Variants in RAPGEF4 observed in about 807,000 individuals in gnomAD.
The protein encoded by RAPGEF4 is RAP guanine-nucleotide-exchange factor (GEF) 4.
In RAPGEF4, 66 loss-of-function variants were observed where a neutral mutation model predicts 147.9. The ratio of observed to expected loss-of-function variants is 0.45; its 90% CI spans 0.37 to 0.55. The LOEUF (loss-of-function observed/expected upper bound fraction) is 0.55. RAPGEF4 is among the 20% of genes least tolerant of loss of function. The pLI, the probability that RAPGEF4 is intolerant of heterozygous loss-of-function variation, is 0.00. For missense variants in RAPGEF4, 1,071 were observed against 1,257.3 expected, an observed-to-expected ratio of 0.85 and a Z score of 2.24; for synonymous variants, 419 against 442.7, an observed-to-expected ratio of 0.95 and a Z score of 0.67.
At chr2:173,034,728 G>A (rs1295306839) in intron 27 of RAPGEF4, among the ~76,000 whole-genome samples, 1 of 151,920 alleles carries the variant, frequency 6.6e-6, no homozygotes, top group African/African-American at 2.4e-5. Flanking sequence ...ACAAAAATTA[G>A]CCAGATGTGG....
chr2:172,903,392 G>T (rs1699287310), intron 4 of RAPGEF4, among the ~76,000 whole-genome samples: 1 of 125,524 alleles, frequency 8.0e-6, no homozygotes, highest in South Asian at 2.5e-4. Flanking sequence ...AAAAAAAGAA[G>T]CCGGGCGTGG....
At chr2:172,997,751 T>C (rs1693513287) in intron 16 of RAPGEF4, among the ~76,000 whole-genome samples, 1 of 152,190 alleles carries the variant, frequency 6.6e-6, no homozygotes, top group Admixed American at 6.5e-5. Flanking sequence ...CTAAAAGAAG[T>C]TCAGAGATTT....
chr2:172,910,339 T>C (rs978251811), intron 4 of RAPGEF4, among the ~76,000 whole-genome samples: 9 of 152,222 alleles, frequency 5.9e-5, no homozygotes, highest in African/African-American at 1.9e-4. Context: ...CTATAAACTC[T>C]ACAGCTTCCC....
At chr2:172,870,574 A>T (rs1364839122) in intron 4 of RAPGEF4, among the ~76,000 whole-genome samples, 1 of 151,954 alleles carries the variant, frequency 6.6e-6, no homozygotes, top group Non-Finnish European at 1.5e-5. Flanking sequence ...CCCAGACTAG[A>T]CTGGGGCTAT....
At chr2:172,992,766 A>T (rs1313820014) in intron 15 of RAPGEF4, among the ~76,000 whole-genome samples, 1 of 152,198 alleles carries the variant, frequency 6.6e-6, no homozygotes, top group Non-Finnish European at 1.5e-5. Flanking sequence ...CAATTCAAAA[A>T]CTTATGCATG....
At position 172,965,672 on chromosome 2, in the gene RAPGEF4, T is replaced by A; in HGVS notation, c.809T>A (p.Val270Asp). 1 of 1,614,162 alleles carries A rather than the reference T, an allele frequency of 6.2e-7. No individual in the cohort carries two copies. The highest frequency in any genetic ancestry group is 8.5e-7 in the Non-Finnish European group (1 of 1,180,010). Reference sequence around the variant, plus strand: ...TGGCAAGTCCTGTTAGAAGATGGTGTTCTCAACCACGGTAAGATGAGCCCC... The same window carrying A: ...TGGCAAGTCCTGTTAGAAGATGGTGATCTCAACCACGGTAAGATGAGCCCC... Reference protein sequence around the residue: ...GMWQVLLEDGVLNHVDQEHHF... With the variant: ...GMWQVLLEDGDLNHVDQEHHF... Residue 270 changes from valine (V) to aspartate (D), a missense_variant, in exon 9 of 31, where the codon GTT becomes GAT. Physicochemically the swap from Val to Asp is radical, Grantham distance 152. Transcript: ENST00000397081.
intron 6 of RAPGEF4, among the ~76,000 whole-genome samples, chr2:172,939,827 A>AT (rs1172441695): frequency 4.0e-5 from 6 of 150,440 alleles, no homozygotes; most frequent in African/African-American, 1.5e-4. Flanking sequence ...GTGTAGATTC[A>AT]TTTTTTTTAG....
Position 172,988,289 on chromosome 2 carries a change from CT to C in RAPGEF4, c.1227+22del. 6.3e-7 allele frequency: 1 copy of C among 1,594,328 alleles called. No homozygotes were observed. On this transcript the variant is annotated intron_variant, in intron 13 of 30. Transcript: ENST00000397081. Reference sequence around the variant, plus strand: ...TACGGCAAGGTATATATATCTTTTTCTTTTTGAAACTTTATTACGCTCCACT... The same window carrying C: ...TACGGCAAGGTATATATATCTTTTTCTTTTGAAACTTTATTACGCTCCACT...
At chr2:172,925,773 AAGAAAGAG>A (rs748606345) in intron 6 of RAPGEF4, among the ~76,000 whole-genome samples, 3 of 54,444 alleles carry the variant, frequency 5.5e-5, no homozygotes, top group Admixed American at 2.0e-4. Flanking sequence ...GGAAGAAAGA[AAGAAAGAG>A]AGAGAGAGAG....
At chr2:172,764,185 T>C (rs997867320) in intron 1 of RAPGEF4, among the ~76,000 whole-genome samples, 1 of 151,748 alleles carries the variant, frequency 6.6e-6, no homozygotes, top group Non-Finnish European at 1.5e-5. Flanking sequence ...GCTCAGGAGA[T>C]TGAGGTTGCA....
At chr2:172,811,816 T>A (rs1104635) in intron 3 of RAPGEF4, among the ~76,000 whole-genome samples, 2,276 of 152,320 alleles carry the variant, frequency 0.015, 19 homozygotes, top group South Asian at 0.033. Context: ...ATATATTAGT[T>A]CTGCTAAGTG....
intron 13 of RAPGEF4, 150 bp downstream of exon 13, chr2:172,988,422 C>A: frequency 7.2e-7 from 1 of 1,383,370 alleles, no homozygotes; most frequent in Non-Finnish European, 9.5e-7. Flanking sequence ...TCATAAGTTA[C>A]CTCAGTTATT....
chr2:172,956,109 G>A lies in RAPGEF4; in HGVS notation c.538-4651G>A, dbSNP rs890883587. On this transcript the variant is annotated intron_variant, in intron 6 of 30. Coordinates refer to ENST00000397081, the MANE Select transcript of RAPGEF4 (RefSeq NM_007023.4). ...TTGCCTCCCTCTCAGCAGTGGCCCC[G>A]AGGCATCTCTAGTAGTGGCCATACC... Among the ~76,000 whole-genome samples the A allele has an allele frequency of 3.3e-5, 5 of 152,178 alleles. No individual in the cohort carries two copies. In the South Asian group the frequency reaches 6.2e-4, roughly 19 times the overall value.
intron 2 of RAPGEF4, 64 bp from the exon 3 acceptor site, chr2:172,797,461 G>A (rs1686491099): frequency 7.6e-7 from 1 of 1,318,854 alleles, no homozygotes; most frequent in African/African-American, 1.5e-5. Flanking sequence ...GTGAAAAACT[G>A]GCAGATCATA....
At chr2:172,951,858 G>A (rs756238937) in intron 6 of RAPGEF4, among the ~76,000 whole-genome samples, 1 of 152,132 alleles carries the variant, frequency 6.6e-6, no homozygotes, top group Non-Finnish European at 1.5e-5. Flanking sequence ...AGGATCATGC[G>A]GCTATGGGGT....
chr2:172,967,590 G>T (rs1171875819), intron 10 of RAPGEF4, 146 bp downstream of exon 10: 2 of 768,532 alleles, frequency 2.6e-6, no homozygotes, highest in Non-Finnish European at 3.9e-6. Flanking sequence ...TGCCACAGCA[G>T]TGCTTGTCTC....
At chr2:172,844,925 A>G (rs1692004994) in intron 4 of RAPGEF4, among the ~76,000 whole-genome samples, 1 of 152,230 alleles carries the variant, frequency 6.6e-6, no homozygotes, top group African/African-American at 2.4e-5. Context: ...TATGAATGCA[A>G]AGCATGTTCA....
At chr2:172,765,843 G>A (rs570889977) in intron 1 of RAPGEF4, among the ~76,000 whole-genome samples, 1 of 152,350 alleles carries the variant, frequency 6.6e-6, no homozygotes, top group East Asian at 1.9e-4. Context: ...CGGGCTCTGG[G>A]TGTGTGCAGA....
chr2:172,873,360 T>C (rs1695472431), intron 4 of RAPGEF4, among the ~76,000 whole-genome samples: 1 of 152,208 alleles, frequency 6.6e-6, no homozygotes, highest in African/African-American at 2.4e-5. Context: ...TTAAAGTTAA[T>C]GTATTAGAGA....
Sources: allele counts gnomAD v4.1 joint callset (sites outside exome capture counted in the v4.1 genomes callset), GRCh38; gene constraint gnomAD v4.1.1; transcripts MANE v1.5; gene names NCBI Gene and HGNC (gene_info 2026-07-23, HGNC 2026-07-21).